DDX60: variants seen among roughly 807,000 people sequenced by gnomAD.
DDX60 encodes the protein probable ATP-dependent RNA helicase DDX60.
DDX60 carries 165 observed loss-of-function variants against 212.8 expected under a neutral mutation model. That is an observed-to-expected ratio of 0.78 (90% CI 0.68 to 0.88). The LOEUF is 0.88. Ranked by LOEUF, DDX60 falls within the 40% of genes least tolerant of loss-of-function variation. The probability of loss-of-function intolerance (pLI) is 0.00; values close to 1 mark genes in which losing one functional copy is unlikely to be tolerated. For missense variants in DDX60, 1,905 were observed against 2,003.9 expected (o/e 0.95, Z 0.94); for synonymous variants, 703 against 685.3 (o/e 1.03, Z -0.40).
chr4:168,247,667 G>A (rs1734068378), intron 29 of DDX60, among the ~76,000 whole-genome samples: 1 of 152,144 alleles, frequency 6.6e-6, no homozygotes, highest in Non-Finnish European at 1.5e-5. Flanking sequence ...ATAATACAAG[G>A]CTAAGAACGT....
At chr4:168,268,443 T>C (rs1043190263) in intron 20 of DDX60, among the ~76,000 whole-genome samples, 2 of 152,084 alleles carry the variant, frequency 1.3e-5, no homozygotes, top group Non-Finnish European at 2.9e-5. Context: ...CAAGATAAAA[T>C]GGGGTTTTCA....
chr4:168,231,242 A>G (rs1340221666), intron 33 of DDX60, among the ~76,000 whole-genome samples: 2 of 151,956 alleles, frequency 1.3e-5, no homozygotes, highest in East Asian at 3.9e-4. Flanking sequence ...AAAGTCCAAA[A>G]CTATATGGAT....
At chr4:168,253,807 C>CT (rs1734308229) in intron 26 of DDX60, among the ~76,000 whole-genome samples, 1 of 152,210 alleles carries the variant, frequency 6.6e-6, no homozygotes, top group African/African-American at 2.4e-5. Flanking sequence ...CCTCCGTAAA[C>CT]CCTGGCTTAG....
chr4:168,260,902 G>A lies in DDX60; in HGVS notation c.3361C>T (p.Leu1121=). The change falls in exon 25 of 38, where the codon CTA becomes TTA. Residue 1121 remains leucine (L), a synonymous_variant. Transcript: ENST00000393743. ...ITMFPLLVEK[L]RKMEKLPALF... ...GCAGGTAACTTCTCCATTTTCCTTA[G>A]TTTTTCAACTAGAAGTGGAAACATG... is the stretch of plus-strand genomic sequence containing the variant. The A allele has an allele frequency of 6.2e-7, 1 of 1,608,910 alleles. No homozygotes were observed. The highest frequency in any genetic ancestry group is 8.5e-7 in the Non-Finnish European group (1 of 1,176,852).
At chr4:168,274,836 A>G (rs1735261524) in intron 16 of DDX60, among the ~76,000 whole-genome samples, 1 of 152,222 alleles carries the variant, frequency 6.6e-6, no homozygotes, top group African/African-American at 2.4e-5. Flanking sequence ...AACATGTTCA[A>G]TTTATCAGCA....
At chr4:168,231,430 A>T (rs902559925) in intron 33 of DDX60, among the ~76,000 whole-genome samples, 2 of 151,968 alleles carry the variant, frequency 1.3e-5, no homozygotes, top group Non-Finnish European at 2.9e-5. Flanking sequence ...ACTACAGACC[A>T]ATATCTCTGA....
At chr4:168,257,011 T>C (rs1460950165) in intron 25 of DDX60, among the ~76,000 whole-genome samples, 1 of 152,188 alleles carries the variant, frequency 6.6e-6, no homozygotes, top group Non-Finnish European at 1.5e-5. Flanking sequence ...AATAAAATAA[T>C]GGTAATAGTA....
chr4:168,259,932 T>C (rs1237031000), intron 25 of DDX60, among the ~76,000 whole-genome samples: 1 of 152,012 alleles, frequency 6.6e-6, no homozygotes, highest in Non-Finnish European at 1.5e-5. Flanking sequence ...ATATTCAATT[T>C]GTTTTGCAAA....
At position 168,247,083 on chromosome 4, in the gene DDX60, G is replaced by A. The variant is rs187876140; in HGVS notation, c.3964-465C>T. ...ATGGGCACAAACAGAATAAATACAT[G>A]AGTGAAATAAAATTCAGAAATGCTA... On this transcript the variant is annotated intron_variant, in intron 29 of 37. Transcript: ENST00000393743. Among the ~76,000 whole-genome samples, 13 of 152,238 alleles carry A rather than the reference G, an allele frequency of 8.5e-5. No individual in the cohort carries two copies. In the East Asian group the frequency reaches 2.3e-3, roughly 27 times the overall value.
chr4:168,237,840 C>A, intron 30 of DDX60, 45 bp from the exon 31 acceptor site: 2 of 1,376,010 alleles, frequency 1.5e-6, no homozygotes, highest in East Asian at 2.4e-5. Context: ...TTAAGTGTTA[C>A]GAAATACGTT....
intron 3 of DDX60, 96 bp from the exon 4 acceptor site, chr4:168,308,291 T>G (rs1488175997): frequency 1.7e-5 from 12 of 718,454 alleles, no homozygotes; most frequent in Non-Finnish European, 2.7e-5. Context: ...TTATCATCAA[T>G]AGCTAAATTT....
intron 30 of DDX60, among the ~76,000 whole-genome samples, chr4:168,243,590 A>G (rs1733923636): frequency 6.6e-6 from 1 of 152,226 alleles, no homozygotes; most frequent in Admixed American, 6.5e-5. Context: ...AATTATTAAA[A>G]AGTCAAGAAA....
chr4:168,249,624 T>C (rs534216006), intron 28 of DDX60, among the ~76,000 whole-genome samples: 19 of 152,322 alleles, frequency 1.2e-4, no homozygotes, highest in African/African-American at 4.6e-4. Flanking sequence ...CTATTAGTAA[T>C]TGAGCAACTA....
At chr4:168,270,231 G>A (rs1735031220) in intron 19 of DDX60, among the ~76,000 whole-genome samples, 1 of 152,206 alleles carries the variant, frequency 6.6e-6, no homozygotes, top group Non-Finnish European at 1.5e-5. Context: ...GAACGGATGA[G>A]CAAATCAAAC....
At chr4:168,265,676 T>C (rs1734810105) in intron 22 of DDX60, 1 of 152,170 alleles carries the variant, frequency 6.6e-6, no homozygotes, top group Non-Finnish European at 1.5e-5. Flanking sequence ...TCCAAACCAC[T>C]ATATTCATTG....
At position 168,233,074 on chromosome 4, in the gene DDX60, A is replaced by C. The variant is rs187011486; in HGVS notation, c.4533+3178T>G. On this transcript the variant is annotated intron_variant, in intron 33 of 37. Coordinates refer to ENST00000393743, the MANE Select transcript of DDX60 (RefSeq NM_017631.6). ...ACATGAATAGACAATTCTCAAAAGA[A>C]AATATATAAATGGCCAACAAACATA... Among the ~76,000 whole-genome samples the C allele has an allele frequency of 4.6e-5, 7 of 152,284 alleles. No individual in the cohort carries two copies. The East Asian group carries it at 1.2e-3, about 25-fold the overall frequency.
At chr4:168,267,792 A>T (rs998512546) in intron 21 of DDX60, 49 bp downstream of exon 21, 16 of 1,550,738 alleles carry the variant, frequency 1.0e-5, no homozygotes, top group East Asian at 4.6e-5. Flanking sequence ...CAGATTTTTT[A>T]AAAATAATAA....
chr4:168,290,464 G>A (rs1424920828), intron 8 of DDX60, among the ~76,000 whole-genome samples: 1 of 151,682 alleles, frequency 6.6e-6, no homozygotes, highest in Non-Finnish European at 1.5e-5. Context: ...GAGCAGCTGG[G>A]ACTACAGGTG....
rs1735338587 is a variant in DDX60, at chr4:168,276,271, C to T, written c.1979-90G>A. On this transcript the variant is annotated intron_variant, in intron 14 of 37. Transcript: ENST00000393743. ...AAGATTAATCATCTAGATGGCCTCA[C>T]TATCTCACTTGGCATTAGTGGAGGT... 3.7e-6 allele frequency: 4 copies of T among 1,087,632 alleles called. No homozygotes were observed. The African/African-American group carries it at 4.8e-5, about 13-fold the overall frequency. The allele number at this position is 1,087,632 out of a possible 1,614,324, so 67.4% of individuals were successfully genotyped here. A position where few individuals can be genotyped will look rare whatever the true frequency, so the allele number is the denominator to read the frequency against.
Sources: allele counts gnomAD v4.1 joint callset (sites outside exome capture counted in the v4.1 genomes callset), GRCh38; gene constraint gnomAD v4.1.1; transcripts MANE v1.5; gene names NCBI Gene and HGNC (gene_info 2026-07-23, HGNC 2026-07-21).